The following CHSY3 variants were observed in gnomAD, a reference collection of about 807,000 sequenced individuals.
The protein encoded by CHSY3 is chondroitin sulfate synthase 3, also known as N-acetylgalactosaminyl-proteoglycan 3-beta-glucuronosyltransferase 3.
CHSY3 carries 35 observed loss-of-function variants against 67.2 expected under a neutral mutation model. The observed-to-expected ratio is 0.52, with a 90% CI of 0.40 to 0.69. CHSY3 has a LOEUF of 0.69. Among genes scored for constraint, CHSY3 ranks in the 30% least tolerant of loss-of-function variants. The pLI is 0.00. For missense variants in CHSY3, 1,069 were observed against 1,138.5 expected (o/e 0.94, Z 0.88); for synonymous variants, 474 against 434.7 (o/e 1.09, Z -1.12).
intron 2 of CHSY3, among the ~76,000 whole-genome samples, chr5:130,129,204 C>T (rs1768400278): frequency 6.6e-6 from 1 of 152,086 alleles, no homozygotes; most frequent in Non-Finnish European, 1.5e-5. Context: ...TACAAGATAG[C>T]ATCATCAATT....
chr5:130,170,663 T>G (rs1419340625), intron 2 of CHSY3, among the ~76,000 whole-genome samples: 1 of 152,164 alleles, frequency 6.6e-6, no homozygotes, highest in Non-Finnish European at 1.5e-5. Context: ...TTTTTGACTT[T>G]TTAATAATAG....
At chr5:130,135,526 C>T (rs1768633391) in intron 2 of CHSY3, among the ~76,000 whole-genome samples, 1 of 152,092 alleles carries the variant, frequency 6.6e-6, no homozygotes, top group African/African-American at 2.4e-5. Flanking sequence ...TTTAATTTAA[C>T]TTTAAAGCCC....
intron 2 of CHSY3, among the ~76,000 whole-genome samples, chr5:129,942,140 A>C (rs1024058894): frequency 1.6e-4 from 24 of 152,128 alleles, no homozygotes; most frequent in Non-Finnish European, 2.2e-4. Flanking sequence ...GGGAAAGATT[A>C]GAGTCTTGCC....
intron 2 of CHSY3, among the ~76,000 whole-genome samples, chr5:129,920,920 G>T (rs547300643): frequency 6.6e-6 from 1 of 152,192 alleles, no homozygotes; most frequent in East Asian, 1.9e-4. Flanking sequence ...CTGGGCTCAG[G>T]TGATCCTCCA....
At position 129,932,181 on chromosome 5, in the gene CHSY3, G is replaced by GT. The variant is rs1223968710; in HGVS notation, c.1086+23831dup. ...TAGCTATCTATCAGAGTCTCTGATAGTTTTTTTTTTAAGGAATTGATTCAC... is the reference window on the plus strand; with the variant it reads ...TAGCTATCTATCAGAGTCTCTGATAGTTTTTTTTTTTAAGGAATTGATTCAC... On this transcript the variant is annotated intron_variant, in intron 2 of 2. Coordinates refer to ENST00000305031, the MANE Select transcript of CHSY3 (RefSeq NM_175856.5). Among the ~76,000 whole-genome samples the GT allele has an allele frequency of 1.4e-3, 187 of 137,106 alleles. 1 individual carries two copies. The highest frequency in any genetic ancestry group is 2.1e-3 in the Non-Finnish European group (136 of 64,186). The allele number at this position is 137,106 out of a possible 152,430, so 89.9% of individuals were successfully genotyped here.
At chr5:130,111,468 T>G (rs1184368715) in intron 2 of CHSY3, among the ~76,000 whole-genome samples, 1 of 152,096 alleles carries the variant, frequency 6.6e-6, no homozygotes, top group Non-Finnish European at 1.5e-5. Flanking sequence ...TCAGCCCGAT[T>G]TTAAAAAGCT....
chr5:130,146,042 G>A (rs1372350077), intron 2 of CHSY3, among the ~76,000 whole-genome samples: 1 of 152,126 alleles, frequency 6.6e-6, no homozygotes, highest in Non-Finnish European at 1.5e-5. Context: ...ACAGTATGGA[G>A]ATTCCTCAAA....
At chr5:130,178,015 A>G (rs1167475151) in intron 2 of CHSY3, among the ~76,000 whole-genome samples, 1 of 150,706 alleles carries the variant, frequency 6.6e-6, no homozygotes, top group African/African-American at 2.4e-5. Context: ...GCATTTTAAA[A>G]TTTCTGTTAT....
At chr5:130,050,159 A>G (rs1028799254) in intron 2 of CHSY3, among the ~76,000 whole-genome samples, 26 of 152,086 alleles carry the variant, frequency 1.7e-4, no homozygotes, top group Non-Finnish European at 7.4e-5. Context: ...TCAAACTACA[A>G]CAATGTATTT....
At chr5:129,993,538 CT>C (rs1004455661) in intron 2 of CHSY3, among the ~76,000 whole-genome samples, 1 of 151,716 alleles carries the variant, frequency 6.6e-6, no homozygotes, top group African/African-American at 2.4e-5. Flanking sequence ...CAATCCCTGC[CT>C]TTTTTTTGTT....
At chr5:129,979,132 A>G (rs1388493140) in intron 2 of CHSY3, among the ~76,000 whole-genome samples, 1 of 144,804 alleles carries the variant, frequency 6.9e-6, no homozygotes, top group East Asian at 2.2e-4. Context: ...CCTGGGAGGC[A>G]GAGCTTGCAG....
At chr5:129,912,630 C>T (rs1359133326) in intron 2 of CHSY3, among the ~76,000 whole-genome samples, 2 of 152,166 alleles carry the variant, frequency 1.3e-5, no homozygotes, top group Non-Finnish European at 2.9e-5. Flanking sequence ...TACTGCTTTT[C>T]ACCAGGTTCC....
intron 2 of CHSY3, among the ~76,000 whole-genome samples, chr5:130,057,354 A>G (rs1765568333): frequency 6.6e-6 from 1 of 152,128 alleles, no homozygotes; most frequent in Admixed American, 6.5e-5. Flanking sequence ...CATCATGTGT[A>G]GTAAATTACT....
intron 2 of CHSY3, among the ~76,000 whole-genome samples, chr5:129,966,311 CGCATTTTCAGTGCACA>C (rs1762466662): frequency 6.6e-6 from 1 of 151,696 alleles, no homozygotes; most frequent in African/African-American, 2.4e-5. Context: ...AAAATAAGGC[CGCATTTTCAGTGCACA>C]GCTCAGCAGG....
intron 2 of CHSY3, among the ~76,000 whole-genome samples, chr5:130,114,888 T>C (rs1767734126): frequency 6.6e-6 from 1 of 152,166 alleles, no homozygotes; most frequent in Non-Finnish European, 1.5e-5. Context: ...CAGGACCATC[T>C]GTCCTTAGCT....
intron 2 of CHSY3, among the ~76,000 whole-genome samples, chr5:129,998,019 A>G (rs1763597355): frequency 6.6e-6 from 1 of 152,202 alleles, no homozygotes; most frequent in African/African-American, 2.4e-5. Context: ...CTTTGGGAAT[A>G]TACCCAGTAA....
At chr5:130,026,578 T>G (rs149412901) in intron 2 of CHSY3, among the ~76,000 whole-genome samples, 21 of 152,258 alleles carry the variant, frequency 1.4e-4, no homozygotes, top group African/African-American at 4.8e-4. Flanking sequence ...ATTCTGAACC[T>G]AATTTGCATT....
chr5:129,990,433 C>A (rs1379062708), intron 2 of CHSY3, among the ~76,000 whole-genome samples: 1 of 149,522 alleles, frequency 6.7e-6, no homozygotes, highest in Non-Finnish European at 1.5e-5. Context: ...GGCCTTTTTA[C>A]CTGTCAATCA....
At chr5:130,159,802 T>G (rs1403041957) in intron 2 of CHSY3, among the ~76,000 whole-genome samples, 1 of 152,224 alleles carries the variant, frequency 6.6e-6, no homozygotes, top group Non-Finnish European at 1.5e-5. Flanking sequence ...TCAGCATCAG[T>G]GATCACTGTA....
Sources: allele counts gnomAD v4.1 joint callset (sites outside exome capture counted in the v4.1 genomes callset), GRCh38; gene constraint gnomAD v4.1.1; transcripts MANE v1.5; gene names NCBI Gene and HGNC (gene_info 2026-07-23, HGNC 2026-07-21).